PEX2: variants seen among roughly 807,000 people sequenced by gnomAD.
PEX2 encodes peroxisomal biogenesis factor 2.
Under a neutral mutation model 25.2 loss-of-function variants are expected in PEX2, and 19 were observed. That is an observed-to-expected ratio of 0.75 (90% confidence interval 0.53 to 1.10). PEX2 has a LOEUF of 1.10. PEX2 is among the 50% of genes least tolerant of loss of function. The pLI is 0.00. For missense variants in PEX2, 347 were observed against 350.6 expected (o/e 0.99, Z 0.08); for synonymous variants, 141 against 127.7 (o/e 1.10, Z -0.70).
chr8:76,993,529 T>C (rs973161544), intron 1 of PEX2, among the ~76,000 whole-genome samples: 4 of 152,216 alleles, frequency 2.6e-5, no homozygotes, highest in Admixed American at 2.6e-4. Context: ...CCAACACCCA[T>C]GCCCAACCAC....
chr8:76,982,991 G>T lies in PEX2; in HGVS notation c.*270C>A. 1 of 814,438 alleles carries T rather than the reference G, an allele frequency of 1.2e-6. No homozygotes were observed. Among genetic ancestry groups the T allele is most frequent in the Non-Finnish European group, 1.7e-6 (1 of 575,190 alleles). 50.5% of individuals were successfully genotyped at this position (814,438 alleles called of 1,614,324 possible). A position where few individuals can be genotyped will look rare whatever the true frequency, so the allele number is the denominator to read the frequency against. On this transcript the variant is annotated 3_prime_UTR_variant, in exon 4 of 4. Coordinates refer to ENST00000357039, the MANE Select transcript of PEX2 (RefSeq NM_000318.3). ...AGAAGTAGTAAAATGAAGGAGCATTGTTAGTAGTCACCTGACAAAAGCTGT... is the reference window on the plus strand; with the variant it reads ...AGAAGTAGTAAAATGAAGGAGCATTTTTAGTAGTCACCTGACAAAAGCTGT...
rs1252615546 is a variant in PEX2, at chr8:76,982,271, GC to G, written c.*989del. On this transcript the variant is annotated 3_prime_UTR_variant, in exon 4 of 4. Transcript: ENST00000357039. Reference sequence around the variant, plus strand: ...TATGCACTGCTGTTACTATTCCCATGCTAAAGACCCCTTTTGTTTCAATAAA... The same window carrying G: ...TATGCACTGCTGTTACTATTCCCATGTAAAGACCCCTTTTGTTTCAATAAA... The G allele has an allele frequency of 6.6e-6, 1 of 152,130 alleles. No individual in the cohort carries two copies. The highest frequency in any genetic ancestry group is 1.9e-4 in the East Asian group (1 of 5,182). The allele number at this position is 152,130 out of a possible 1,614,324, so 9.4% of individuals were successfully genotyped here.
intron 2 of PEX2, among the ~76,000 whole-genome samples, chr8:76,987,584 A>G (rs1233795927): frequency 6.6e-6 from 1 of 152,148 alleles, no homozygotes. Context: ...TGTTCTGGCC[A>G]CCCTGAGCAA....
At chr8:76,995,844 G>C (rs932263477) in intron 1 of PEX2, among the ~76,000 whole-genome samples, 7 of 151,956 alleles carry the variant, frequency 4.6e-5, no homozygotes, top group African/African-American at 1.5e-4. Flanking sequence ...CTGTATTCTA[G>C]CCCAGGTTCA....
chr8:76,996,801 AT>A (rs1807346012), intron 1 of PEX2, among the ~76,000 whole-genome samples: 1 of 130,350 alleles, frequency 7.7e-6, no homozygotes, highest in Non-Finnish European at 1.8e-5. Flanking sequence ...TACATTCTTT[AT>A]TTCATTTAAT....
chr8:76,983,041 G>C lies in PEX2; in HGVS notation c.*220C>G. On this transcript the variant is annotated 3_prime_UTR_variant, in exon 4 of 4. Transcript: ENST00000357039. ...TCCATTATTCTTGACATTAAAAATT[G>C]AATGCAATGATTTAAAAAACATAAT... The C allele has an allele frequency of 7.9e-7, 1 of 1,267,006 alleles. No homozygotes were observed. The allele number at this position is 1,267,006 out of a possible 1,614,324, so 78.5% of individuals were successfully genotyped here.
intron 1 of PEX2, among the ~76,000 whole-genome samples, chr8:76,992,543 A>G (rs896275512): frequency 1.3e-5 from 2 of 152,260 alleles, no homozygotes; most frequent in Non-Finnish European, 2.9e-5. Context: ...TAGAAATTCA[A>G]TTAACCCAAT....
upstream of PEX2, chr8:77,000,101 G>T (rs893415571): frequency 2.4e-5 from 9 of 378,390 alleles, no homozygotes; most frequent in African/African-American, 1.9e-4. Flanking sequence ...GGAACTCGCA[G>T]GCTTCCGGAG....
intron 2 of PEX2, among the ~76,000 whole-genome samples, chr8:76,987,332 C>T (rs1191136030): frequency 6.6e-6 from 1 of 152,140 alleles, no homozygotes; most frequent in African/African-American, 2.4e-5. Context: ...AATACCTAAG[C>T]AGCCACCTGA....
upstream of PEX2, among the ~76,000 whole-genome samples, chr8:77,000,660 A>G (rs1807485675): frequency 6.6e-6 from 1 of 152,142 alleles, no homozygotes; most frequent in African/African-American, 2.4e-5. Flanking sequence ...TTATCTCTGC[A>G]GGCTCAGGAA....
chr8:76,983,012 G>T lies in PEX2; in HGVS notation c.*249C>A. 9.6e-7 allele frequency: 1 copy of T among 1,038,854 alleles called. No individual in the cohort carries two copies. Among genetic ancestry groups the T allele is most frequent in the Non-Finnish European group, 1.3e-6 (1 of 769,128 alleles). The allele number at this position is 1,038,854 out of a possible 1,614,324, so 64.4% of individuals were successfully genotyped here. A position where few individuals can be genotyped will look rare whatever the true frequency, so the allele number is the denominator to read the frequency against. On this transcript the variant is annotated 3_prime_UTR_variant, in exon 4 of 4. Transcript: ENST00000357039. Reference sequence around the variant, plus strand: ...CATTGTTAGTAGTCACCTGACAAAAGCTGTCCATTATTCTTGACATTAAAA... The same window carrying T: ...CATTGTTAGTAGTCACCTGACAAAATCTGTCCATTATTCTTGACATTAAAA...
chr8:76,984,095 G>C lies in PEX2; in HGVS notation c.84C>G (p.Ala28=). The C allele has an allele frequency of 1.2e-6, 2 of 1,612,954 alleles. No individual in the cohort carries two copies. Among genetic ancestry groups the C allele is most frequent in the South Asian group, 1.1e-5 (1 of 90,932 alleles). The change falls in exon 4 of 4, where the codon GCC becomes GCG. Residue 28 remains alanine (A), a synonymous_variant. Coordinates refer to ENST00000357039, the MANE Select transcript of PEX2 (RefSeq NM_000318.3). ...SQLDALELNK[A]LEQLVWSQFT... Reference sequence around the variant, plus strand: ...ACTGGGACCAAACTAGCTGCTCCAGGGCCTTGTTTAGTTCAAGTGCATCCA... The same window carrying C: ...ACTGGGACCAAACTAGCTGCTCCAGCGCCTTGTTTAGTTCAAGTGCATCCA...
rs1806787416 is a variant in PEX2, at chr8:76,980,544, G to GGAACA, written c.*2712_*2716dup. The GGAACA allele has an allele frequency of 6.6e-6, 1 of 152,190 alleles. No homozygotes were observed. The highest frequency in any genetic ancestry group is 3.2e-3 in the Middle Eastern group (1 of 314). 9.4% of individuals were successfully genotyped at this position (152,190 alleles called of 1,614,324 possible). On this transcript the variant is annotated 3_prime_UTR_variant, in exon 4 of 4. Coordinates refer to ENST00000357039, the MANE Select transcript of PEX2 (RefSeq NM_000318.3). ...AGCATCACCTACATTTAAGTAACCA[G>GGAACA]GAACAGTATTTTCCATCCCCTAGCT...
At chr8:76,989,690 A>G (rs1381042490) in intron 1 of PEX2, among the ~76,000 whole-genome samples, 2 of 152,226 alleles carry the variant, frequency 1.3e-5, no homozygotes, top group Non-Finnish European at 2.9e-5. Flanking sequence ...ATTTTGAAAT[A>G]ATTTTTTTTG....
intron 3 of PEX2, among the ~76,000 whole-genome samples, chr8:76,985,193 GA>G (rs1306051203): frequency 1.8e-4 from 26 of 145,420 alleles, no homozygotes; most frequent in African/African-American, 6.0e-4. Context: ...AAAAAAAAAT[GA>G]GGCTTAAATT....
intron 1 of PEX2, among the ~76,000 whole-genome samples, chr8:76,991,961 G>T (rs539450746): frequency 1.3e-5 from 2 of 152,310 alleles, no homozygotes; most frequent in South Asian, 4.1e-4. Flanking sequence ...CATTTCGAAA[G>T]ACTGAAACCT....
intron 3 of PEX2, among the ~76,000 whole-genome samples, chr8:76,985,469 A>G (rs889953410): frequency 4.6e-5 from 7 of 152,194 alleles, no homozygotes; most frequent in African/African-American, 1.7e-4. Flanking sequence ...TCACACACAT[A>G]CACACAGGTG....
At chr8:76,989,974 G>A (rs1168609971) in intron 1 of PEX2, among the ~76,000 whole-genome samples, 2 of 152,094 alleles carry the variant, frequency 1.3e-5, no homozygotes, top group Non-Finnish European at 2.9e-5. Context: ...GTGTTACATG[G>A]CATTTTCTTC....
At chr8:76,998,460 T>C (rs1807399955) in intron 1 of PEX2, among the ~76,000 whole-genome samples, 2 of 152,210 alleles carry the variant, frequency 1.3e-5, no homozygotes, top group South Asian at 4.1e-4. Context: ...AAATTTGTAT[T>C]GATAAAATAA....
Sources: allele counts gnomAD v4.1 joint callset (sites outside exome capture counted in the v4.1 genomes callset), GRCh38; gene constraint gnomAD v4.1.1; transcripts MANE v1.5; gene names NCBI Gene and HGNC (gene_info 2026-07-23, HGNC 2026-07-21).